HAUS8: variants seen among roughly 807,000 people sequenced by gnomAD.
HAUS8 encodes the protein HAUS augmin like complex subunit 8.
Under a neutral mutation model 42.9 loss-of-function variants are expected in HAUS8, and 38 were observed. The observed-to-expected ratio is 0.89, with a 90% CI of 0.68 to 1.16. The LOEUF (loss-of-function observed/expected upper bound fraction) is 1.16, where lower values mean the gene tolerates loss of function less well. HAUS8 is among the 50% of genes most tolerant of loss of function. The pLI is 0.00. For missense variants in HAUS8, 494 were observed against 511.6 expected (o/e 0.97, Z 0.33); for synonymous variants, 199 against 205.8 (o/e 0.97, Z 0.28).
At chr19:17,056,198 C>A (rs1599973956) in intron 8 of HAUS8, among the ~76,000 whole-genome samples, 196 bp from the exon 9 acceptor site, 1 of 152,322 alleles carries the variant, frequency 6.6e-6, no homozygotes, top group East Asian at 1.9e-4. Context: ...GCGGCCCAGG[C>A]CCCTTACTGA....
At chr19:17,059,306 T>G (rs1268227925) in intron 6 of HAUS8, among the ~76,000 whole-genome samples, 3 of 152,240 alleles carry the variant, frequency 2.0e-5, no homozygotes, top group Admixed American at 1.3e-4. Flanking sequence ...CAGCACAGCA[T>G]GGGCACAGAG....
Position 17,059,609 on chromosome 19 carries a change from A to G in HAUS8, c.368T>C (p.Ile123Thr). The change falls in exon 6 of 11, where the codon ATA becomes ACA. Residue 123 changes from isoleucine (I) to threonine (T), a missense_variant. Physicochemically the swap from Ile to Thr is moderately conservative, Grantham distance 89. Coordinates refer to ENST00000253669, the MANE Select transcript of HAUS8 (RefSeq NM_033417.2). ...TGATGTTGACTCAGGTTTCTTTGATATTGTTTTTGCTAACTGTGGCGTCTT... is the reference window on the plus strand; with the variant it reads ...TGATGTTGACTCAGGTTTCTTTGATGTTGTTTTTGCTAACTGTGGCGTCTT... ...VKKTPQLAKT[I>T]SKKPESTSFS... 1.9e-6 allele frequency: 3 copies of G among 1,613,836 alleles called. No homozygotes were observed. Among genetic ancestry groups the G allele is most frequent in the Non-Finnish European group, 2.5e-6 (3 of 1,179,914 alleles).
chr19:17,056,534 TATACACACACAC>T (rs1024658402), intron 8 of HAUS8, among the ~76,000 whole-genome samples: 6 of 152,206 alleles, frequency 3.9e-5, no homozygotes, highest in South Asian at 2.1e-4. Flanking sequence ...TTAGCATCTA[TATACACACACAC>T]ATACACACAC....
chr19:17,066,509 A>C (rs1325613247), intron 3 of HAUS8, among the ~76,000 whole-genome samples: 1 of 152,140 alleles, frequency 6.6e-6, no homozygotes, highest in Non-Finnish European at 1.5e-5. Flanking sequence ...GGGAATCCCA[A>C]CTTGAACTTG....
At chr19:17,053,059 G>T in intron 9 of HAUS8, 93 bp from the exon 10 acceptor site, 1 of 1,482,412 alleles carries the variant, frequency 6.7e-7, no homozygotes, top group Non-Finnish European at 9.4e-7. Context: ...CTGTCATGAT[G>T]CTCGGCTATC....
Position 17,073,339 on chromosome 19 carries a change from C to G in HAUS8, c.30-4G>C. ...TGTGGGGCCGGTTGCAGGCTTCCTGCAAGAGAAGAGAGAGAGGTCTTGTTC... is the reference window on the plus strand; with the variant it reads ...TGTGGGGCCGGTTGCAGGCTTCCTGGAAGAGAAGAGAGAGAGGTCTTGTTC... On this transcript the variant is annotated splice_region_variant and splice_polypyrimidine_tract_variant and intron_variant, in intron 1 of 10. Transcript: ENST00000253669. 1.9e-6 allele frequency: 3 copies of G among 1,613,780 alleles called. No homozygotes were observed. Among genetic ancestry groups the G allele is most frequent in the Middle Eastern group, 3.3e-4 (2 of 6,046 alleles).
Position 17,075,256 on chromosome 19 carries a change from G to T in HAUS8, c.29+138C>A, listed in dbSNP as rs561269316. The T allele has an allele frequency of 1.9e-5, 17 of 903,850 alleles. No homozygotes were observed. In the South Asian group the frequency reaches 2.0e-4, roughly 11 times the overall value. 56.0% of individuals were successfully genotyped at this position (903,850 alleles called of 1,614,324 possible). On this transcript the variant is annotated intron_variant, in intron 1 of 10. Transcript: ENST00000253669. ...ATGCGCAGAGGCAGCACGCCATCGGGGTCTTCAGGGGCCCGCGCAGTTCCT... is the reference window on the plus strand; with the variant it reads ...ATGCGCAGAGGCAGCACGCCATCGGTGTCTTCAGGGGCCCGCGCAGTTCCT...
intron 8 of HAUS8, among the ~76,000 whole-genome samples, chr19:17,057,222 T>G (rs966110887): frequency 5.9e-5 from 9 of 152,032 alleles, no homozygotes; most frequent in African/African-American, 2.2e-4. Flanking sequence ...TGGTGGTGCA[T>G]GCCTGTAGTC....
chr19:17,054,503 T>C (rs2057307858), intron 9 of HAUS8, among the ~76,000 whole-genome samples: 1 of 151,266 alleles, frequency 6.6e-6, no homozygotes, highest in South Asian at 2.1e-4. Flanking sequence ...AAAAAAAATA[T>C]AATAATTAGC....
At chr19:17,056,536 T>TAC (rs971310440) in intron 8 of HAUS8, among the ~76,000 whole-genome samples, 1 of 151,986 alleles carries the variant, frequency 6.6e-6, no homozygotes, top group Admixed American at 6.6e-5. Context: ...AGCATCTATA[T>TAC]ACACACACAC....
chr19:17,058,405 C>A (rs776172630), intron 8 of HAUS8, 144 bp downstream of exon 8: 10 of 744,046 alleles, frequency 1.3e-5, no homozygotes, highest in Non-Finnish European at 1.9e-5. Context: ...AACACCAGGA[C>A]CAGAGCAAGT....
chr19:17,068,966 C>T lies in HAUS8; in HGVS notation c.147+65G>A, dbSNP rs112246358. On this transcript the variant is annotated intron_variant, in intron 3 of 10. Transcript: ENST00000253669. ...TGTGACCACCTCCCATGACTAGTTT[C>T]GGAATTCCAGTTGCTCAGAACCTTG... 2.4e-3 allele frequency: 3,573 copies of T among 1,470,346 alleles called. 79 individuals are homozygous for T. The African/African-American group carries it at 0.044, about 18-fold the overall frequency. 91.1% of individuals were successfully genotyped at this position (1,470,346 alleles called of 1,614,324 possible). A position where few individuals can be genotyped will look rare whatever the true frequency, so the allele number is the denominator to read the frequency against.
chr19:17,055,730 C>A, intron 9 of HAUS8, 131 bp downstream of exon 9: 1 of 989,616 alleles, frequency 1.0e-6, no homozygotes, highest in Non-Finnish European at 1.5e-6. Flanking sequence ...ACAGCCTGGC[C>A]AGCCCTCCCC....
intron 9 of HAUS8, chr19:17,053,331 CACT>C (rs1302659455): frequency 3.8e-6 from 1 of 260,332 alleles, no homozygotes; most frequent in Non-Finnish European, 7.5e-6. Context: ...TTGCCTGCAC[CACT>C]GAGCAGAAGG....
intron 3 of HAUS8, among the ~76,000 whole-genome samples, 196 bp downstream of exon 3, chr19:17,068,835 A>G (rs1402619145): frequency 6.6e-6 from 1 of 152,180 alleles, no homozygotes; most frequent in South Asian, 2.1e-4. Flanking sequence ...AGAGATGCTT[A>G]TAGCCATGAG....
intron 4 of HAUS8, 86 bp downstream of exon 4, chr19:17,062,612 G>A: frequency 1.0e-6 from 1 of 986,128 alleles, no homozygotes; most frequent in Non-Finnish European, 1.6e-6. Flanking sequence ...TCCCAGAAAG[G>A]AAAGAAGGAA....
chr19:17,075,269 C>T, intron 1 of HAUS8, 125 bp downstream of exon 1: 2 of 1,058,512 alleles, frequency 1.9e-6, no homozygotes, highest in Non-Finnish European at 1.5e-6. Flanking sequence ...CTTCAGGGGC[C>T]CGCGCAGTTC....
intron 2 of HAUS8, among the ~76,000 whole-genome samples, chr19:17,070,130 A>G (rs1266876010): frequency 1.4e-5 from 2 of 143,210 alleles, no homozygotes; most frequent in African/African-American, 2.6e-5. Context: ...CAAACACCCC[A>G]AGTTCTTTAT....
At position 17,075,307 on chromosome 19, in the gene HAUS8, C is replaced by T. The variant is rs551306629; in HGVS notation, c.29+87G>A. 10 of 1,471,232 alleles carry T rather than the reference C, an allele frequency of 6.8e-6. No homozygotes were observed. The East Asian group carries it at 9.1e-5, about 13-fold the overall frequency. 91.1% of individuals were successfully genotyped at this position (1,471,232 alleles called of 1,614,324 possible). On this transcript the variant is annotated intron_variant, in intron 1 of 10. Coordinates refer to ENST00000253669, the MANE Select transcript of HAUS8 (RefSeq NM_033417.2). ...GGCGGGGTCGAACCCGAACTCACCC[C>T]GAGGGTCCTAACTCCCCACCTCCGC...
Sources: allele counts gnomAD v4.1 joint callset (sites outside exome capture counted in the v4.1 genomes callset), GRCh38; gene constraint gnomAD v4.1.1; transcripts MANE v1.5; gene names NCBI Gene and HGNC (gene_info 2026-07-23, HGNC 2026-07-21).